OXR1: variants seen among roughly 807,000 people sequenced by gnomAD.
OXR1 encodes the protein oxidation resistance protein 1.
OXR1 carries 41 observed loss-of-function variants against 104.6 expected under a neutral mutation model. The ratio of observed to expected loss-of-function variants is 0.39; its 90% confidence interval spans 0.31 to 0.51. The LOEUF (loss-of-function observed/expected upper bound fraction) is 0.51. Ranked by LOEUF, OXR1 falls within the 20% of genes least tolerant of loss-of-function variation. The pLI is 0.77. For missense variants in OXR1, 955 were observed against 1,031.9 expected, an observed-to-expected ratio of 0.93 and a Z score of 1.02; for synonymous variants, 348 against 348.4, an observed-to-expected ratio of 1.00 and a Z score of 0.01.
intron 2 of OXR1, among the ~76,000 whole-genome samples, chr8:106,500,846 G>A (rs894673911): frequency 2.0e-5 from 3 of 152,192 alleles, no homozygotes; most frequent in African/African-American, 7.2e-5. Flanking sequence ...AAGCACTGGG[G>A]ATAAATCAGT....
intron 2 of OXR1, among the ~76,000 whole-genome samples, chr8:106,363,499 T>C (rs1816334209): frequency 3.3e-5 from 5 of 151,382 alleles, no homozygotes; most frequent in Admixed American, 2.6e-4. Context: ...CTAAATCTTA[T>C]AATTCACAGA....
chr8:106,490,433 A>T (rs1334790441), intron 2 of OXR1, among the ~76,000 whole-genome samples: 1 of 152,164 alleles, frequency 6.6e-6, no homozygotes, highest in Non-Finnish European at 1.5e-5. Flanking sequence ...ATCTTGGCTC[A>T]CTGCAACCTC....
chr8:106,692,328 GATATT>G (rs1287811897), intron 6 of OXR1, among the ~76,000 whole-genome samples: 2 of 151,956 alleles, frequency 1.3e-5, no homozygotes, highest in African/African-American at 2.4e-5. Context: ...GCACCTGATG[GATATT>G]ATATTATATG....
intron 2 of OXR1, among the ~76,000 whole-genome samples, chr8:106,439,963 G>C (rs1819719520): frequency 6.6e-6 from 1 of 152,096 alleles, no homozygotes; most frequent in African/African-American, 2.4e-5. Context: ...ATTCTGGATA[G>C]CTGAAGTTAA....
chr8:106,381,076 G>T (rs1329205303), intron 2 of OXR1, among the ~76,000 whole-genome samples: 2 of 152,110 alleles, frequency 1.3e-5, no homozygotes, highest in Admixed American at 6.6e-5. Flanking sequence ...CTTGAAATTT[G>T]TTGAGAAGGA....
chr8:106,546,891 A>G (rs555355674), intron 3 of OXR1, among the ~76,000 whole-genome samples: 1 of 152,190 alleles, frequency 6.6e-6, no homozygotes, highest in East Asian at 1.9e-4. Flanking sequence ...TACTATTTTA[A>G]CCTGTTTGTT....
Position 106,638,054 on chromosome 8 carries a change from C to G in OXR1, c.221-41156C>G, listed in dbSNP as rs181093994. On this transcript the variant is annotated intron_variant, in intron 3 of 16. Transcript: ENST00000517566. ...TGCTGGGATTACAGGCGTGAGCCAC[C>G]GTGCCTGGCCCGATTTTTATTTTAA... Among the ~76,000 whole-genome samples, 252 of 152,190 alleles carry G rather than the reference C, an allele frequency of 1.7e-3. 1 individual carries two copies. Among genetic ancestry groups the G allele is most frequent in the African/African-American group, 5.9e-3 (246 of 41,550 alleles).
intron 1 of OXR1, among the ~76,000 whole-genome samples, chr8:106,301,262 C>T (rs532908819): frequency 2.0e-5 from 3 of 152,242 alleles, no homozygotes; most frequent in East Asian, 1.9e-4. Context: ...GCTATGCTTA[C>T]GTACTGATTT....
intron 9 of OXR1, among the ~76,000 whole-genome samples, chr8:106,708,404 A>G (rs934109105): frequency 3.3e-5 from 5 of 152,144 alleles, no homozygotes; most frequent in African/African-American, 4.8e-5. Context: ...GTCTCAAACA[A>G]AAAAATAAAA....
intron 1 of OXR1, among the ~76,000 whole-genome samples, chr8:106,278,666 C>T (rs1159346388): frequency 6.6e-6 from 1 of 152,060 alleles, no homozygotes; most frequent in Non-Finnish European, 1.5e-5. Context: ...ATTTTTCACC[C>T]TTTGCGTAGA....
intron 3 of OXR1, among the ~76,000 whole-genome samples, chr8:106,632,059 A>G (rs745628575): frequency 1.3e-4 from 20 of 152,208 alleles, no homozygotes; most frequent in Non-Finnish European, 2.8e-4. Flanking sequence ...GAAAATGTCA[A>G]TATGCTCGCT....
intron 3 of OXR1, chr8:106,580,958 A>G (rs937596415): frequency 9.9e-7 from 1 of 1,005,604 alleles, no homozygotes; most frequent in African/African-American, 1.7e-5. Context: ...AACCTAAAAC[A>G]CATGCTTGTT....
intron 11 of OXR1, among the ~76,000 whole-genome samples, chr8:106,718,807 G>T (rs1832543771): frequency 6.7e-6 from 1 of 148,626 alleles, no homozygotes; most frequent in Non-Finnish European, 1.5e-5. Context: ...CCACTGCACT[G>T]CAGCCTGGGC....
chr8:106,349,111 A>G (rs1815616657), intron 1 of OXR1, among the ~76,000 whole-genome samples: 1 of 152,138 alleles, frequency 6.6e-6, no homozygotes. Context: ...GTATTTGCCA[A>G]TGATATGTTC....
chr8:106,739,916 G>A (rs1834774357), intron 13 of OXR1, among the ~76,000 whole-genome samples: 1 of 152,158 alleles, frequency 6.6e-6, no homozygotes. Flanking sequence ...CGGGAGCACA[G>A]AGCGATTAAC....
intron 11 of OXR1, among the ~76,000 whole-genome samples, chr8:106,719,850 G>T (rs1484110387): frequency 6.6e-6 from 1 of 151,798 alleles, no homozygotes; most frequent in African/African-American, 2.4e-5. Flanking sequence ...CTGTCGCTCA[G>T]GCTGGAGTGC....
At chr8:106,557,355 T>G (rs539222819) in intron 3 of OXR1, among the ~76,000 whole-genome samples, 1 of 152,314 alleles carries the variant, frequency 6.6e-6, no homozygotes, top group African/African-American at 2.4e-5. Context: ...AAATGAAATT[T>G]TAATTATGTA....
chr8:106,664,382 C>T (rs1373801690), intron 3 of OXR1, among the ~76,000 whole-genome samples: 2 of 152,170 alleles, frequency 1.3e-5, no homozygotes, highest in Non-Finnish European at 2.9e-5. Context: ...CTAACAAGTT[C>T]TTAAGTAATG....
At chr8:106,735,656 A>G (rs927929483) in intron 11 of OXR1, among the ~76,000 whole-genome samples, 8 of 152,190 alleles carry the variant, frequency 5.3e-5, no homozygotes, top group Non-Finnish European at 8.8e-5. Flanking sequence ...ATTGAAGGCC[A>G]TGAAAAAAGA....
Sources: gnomAD v4.1 joint callset for allele counts (sites outside exome capture counted in the v4.1 genomes callset) on GRCh38, gnomAD v4.1.1 for gene constraint, MANE v1.5 for transcripts, NCBI Gene and HGNC (gene_info 2026-07-23, HGNC 2026-07-21) for gene names.